MYH4: variants seen among roughly 807,000 people sequenced by gnomAD.
MYH4 encodes the protein myosin heavy chain 4.
In MYH4, 200 loss-of-function variants were observed where a neutral mutation model predicts 229.9. That is an observed-to-expected ratio of 0.87 (90% CI 0.78 to 0.98). MYH4 has a LOEUF of 0.98. Among genes scored for constraint, MYH4 ranks in the 50% least tolerant of loss-of-function variants. The pLI is 0.00. For synonymous variants in MYH4, 761 were observed against 834.6 expected, an observed-to-expected ratio of 0.91 and a Z score of 1.52; for missense variants, 2,148 against 2,332.6, an observed-to-expected ratio of 0.92 and a Z score of 1.63.
Position 10,450,823 on chromosome 17 carries a change from G to A in MYH4, c.3938C>T (p.Thr1313Ile). ...SQLSRGKQAFTQQIEELKRQL... is the reference protein window; with the variant it reads ...SQLSRGKQAFIQQIEELKRQL... ...CCTCTTTAATTCTTCAATCTGTTGT[G>A]TAAATGCTTGTTTGCCTCGGGATAG... The change falls in exon 29 of 40, where the codon ACA (threonine) becomes ATA (isoleucine). Residue 1313 changes from threonine to isoleucine, a missense_variant. Coordinates refer to ENST00000255381, the MANE Select transcript of MYH4 (RefSeq NM_017533.2). 1.2e-6 allele frequency: 2 copies of A among 1,614,094 alleles called. No homozygotes were observed. The highest frequency in any genetic ancestry group is 1.7e-6 in the Non-Finnish European group (2 of 1,180,004).
In MYH4 at chr17:10,454,745, A is replaced by T. The variant is rs1166255126; in HGVS notation, c.2501T>A (p.Met834Lys). The stretch of plus-strand genomic sequence containing the variant: ...GGGCTTGATCTTGAAATACAGCTTC[A>T]TCCAGGGCCAGTGCTTCACATTCAT... ...AFMNVKHWPW[M>K]KLYFKIKPLL... Residue 834 changes from methionine to lysine, a missense_variant, in exon 22 of 40, where the codon ATG becomes AAG. Transcript: ENST00000255381. 1 of 1,614,072 alleles carries T rather than the reference A, an allele frequency of 6.2e-7. No homozygotes were observed. Among genetic ancestry groups the T allele is most frequent in the Admixed American group, 1.7e-5 (1 of 60,002 alleles).
rs1280061096 is a variant in MYH4, at chr17:10,460,294, C to T, written c.1175G>A (p.Ser392Asn). Reference sequence around the variant, plus strand: ...TTTGAGCAGGTCAGCAGAGTTCAGACTTGTCAGATAAGCAGCTTTGTCAGC... The same window carrying T: ...TTTGAGCAGGTCAGCAGAGTTCAGATTTGTCAGATAAGCAGCTTTGTCAGC... ...EVADKAAYLT[S>N]LNSADLLKSL... is the part of the protein sequence containing the mutation. Residue 392 changes from serine to asparagine, a missense_variant, in exon 13 of 40, where the codon AGT becomes AAT. Ser to Asn is a conservative substitution (Grantham distance 46, BLOSUM62 1). Transcript: ENST00000255381. The T allele has an allele frequency of 4.3e-6, 7 of 1,610,102 alleles. No homozygotes were observed. Among genetic ancestry groups the T allele is most frequent in the Non-Finnish European group, 5.1e-6 (6 of 1,176,854 alleles).
In MYH4 at chr17:10,455,198, T is replaced by G; in HGVS notation, c.2272A>C (p.Thr758Pro). 1 of 1,614,196 alleles carries G rather than the reference T, an allele frequency of 6.2e-7. No individual in the cohort carries two copies. Among genetic ancestry groups the G allele is most frequent in the Non-Finnish European group, 8.5e-7 (1 of 1,180,034 alleles). Reference protein sequence around the residue: ...KLLGSIEIDHTQYKFGHTKVF... With the variant: ...KLLGSIEIDHPQYKFGHTKVF... ...TTGGTATGACCGAATTTGTACTGGG[T>G]GTGGTCAATTTCAATAGACCCTAGA... Residue 758 changes from threonine (T) to proline (P), a missense_variant, in exon 20 of 40, where the codon ACC (threonine) becomes CCC (proline). Physicochemically the swap from Thr to Pro is conservative, Grantham distance 38. Coordinates refer to ENST00000255381, the MANE Select transcript of MYH4 (RefSeq NM_017533.2).
chr17:10,444,559 TG>T (rs1252021949), intron 39 of MYH4, 44 bp downstream of exon 39: 1 of 1,507,510 alleles, frequency 6.6e-7, no homozygotes, highest in Non-Finnish European at 9.1e-7. Context: ...CCAAAAAACC[TG>T]GATGTGCATC....
In MYH4 at chr17:10,457,818, T is replaced by C. The variant is rs547649524; in HGVS notation, c.1588-89A>G. 6.1e-6 allele frequency: 9 copies of C among 1,463,876 alleles called. No individual in the cohort carries two copies. In the East Asian group the frequency reaches 1.6e-4, roughly 26 times the overall value. The allele number at this position is 1,463,876 out of a possible 1,614,324, so 90.7% of individuals were successfully genotyped here. A position where few individuals can be genotyped will look rare whatever the true frequency, so the allele number is the denominator to read the frequency against. On this transcript the variant is annotated intron_variant, in intron 15 of 39. Coordinates refer to ENST00000255381, the MANE Select transcript of MYH4 (RefSeq NM_017533.2). The stretch of plus-strand genomic sequence containing the variant: ...GATGGAAAACTGAAAATACAATGTT[T>C]CAAAAGAAGACTTTGAATGATAAAT...
chr17:10,443,280 A>G (rs1323971940), downstream of MYH4: 6 of 1,348,390 alleles, frequency 4.4e-6, no homozygotes, highest in East Asian at 2.3e-5. The surrounding 1 kb of genome is among the most constrained non-coding windows in gnomAD (Gnocchi z 4.6). Flanking sequence ...ATGCAAAATT[A>G]TCTAAAGATT....
rs2072495693 is a variant in MYH4 at position 10,445,028 on chromosome 17, T to G, written c.5414A>C (p.Glu1805Ala). 2 of 1,614,148 alleles carry G rather than the reference T, an allele frequency of 1.2e-6. No individual in the cohort carries two copies. The highest frequency in any genetic ancestry group is 1.7e-6 in the Non-Finnish European group (2 of 1,180,018). Residue 1805 changes from glutamate to alanine, a missense_variant, in exon 37 of 40, where the codon GAG (glutamate) becomes GCG (alanine). Glu to Ala is a moderately radical substitution (Grantham distance 107). Transcript: ENST00000255381. ...CTTCCCACCCTTCAGCGCCAGCTGC[T>G]CAGCCTCATCCAGACGGAGCTGCAG... is the stretch of plus-strand genomic sequence containing the variant. ...KDLQLRLDEA[E>A]QLALKGGKKQ...
Position 10,456,485 on chromosome 17 carries a change from C to T in MYH4, c.1968G>A (p.Arg656=), listed in dbSNP as rs571468610. 6.2e-7 allele frequency: 1 copy of T among 1,611,102 alleles called. No individual in the cohort carries two copies. Among genetic ancestry groups the T allele is most frequent in the Non-Finnish European group, 8.5e-7 (1 of 1,177,878 alleles). The change falls in exon 17 of 40, where the codon AGG becomes AGA. Residue 656 remains arginine, a splice_region_variant and synonymous_variant. Transcript: ENST00000255381. ...SSFQTVSALF[R]ENLNKLMTNL... is the part of the protein sequence containing the mutation. ...TCTGTAATTCAAGAATATACTGTACCCTGAAAAGAGCTGACACTGTCTGGA... is the reference window on the plus strand; with the variant it reads ...TCTGTAATTCAAGAATATACTGTACTCTGAAAAGAGCTGACACTGTCTGGA...
intron 11 of MYH4, among the ~76,000 whole-genome samples, chr17:10,461,933 C>T (rs763609957): frequency 6.6e-6 from 1 of 152,136 alleles, no homozygotes; most frequent in South Asian, 2.1e-4. Context: ...GACATTATTA[C>T]GGAAGTCTTA....
chr17:10,447,461 A>G (rs2072524476), intron 34 of MYH4, among the ~76,000 whole-genome samples: 1 of 152,202 alleles, frequency 6.6e-6, no homozygotes, highest in Non-Finnish European at 1.5e-5. Context: ...AAAATTTTGG[A>G]TCAGGAAAGT....
Position 10,456,513 on chromosome 17 carries a change from G to C in MYH4, c.1940C>G (p.Ser647Cys), listed in dbSNP as rs370411097. The stretch of plus-strand genomic sequence containing the variant: ...GAAAAGAGCTGACACTGTCTGGAAA[G>C]AAGAACCCTTCTTTTTGCCACCTTT... ...GKKGGKKKGS[S>C]FQTVSALFRE... Residue 647 changes from serine (S) to cysteine (C), a missense_variant, in exon 17 of 40, where the codon TCT becomes TGT. Physicochemically the swap from Ser to Cys is moderately radical, Grantham distance 112 (BLOSUM62 -1). Transcript: ENST00000255381. The C allele has an allele frequency of 1.2e-6, 2 of 1,613,908 alleles. No homozygotes were observed. Among genetic ancestry groups the C allele is most frequent in the Non-Finnish European group, 8.5e-7 (1 of 1,179,870 alleles).
intron 34 of MYH4, 22 bp from the exon 35 acceptor site, chr17:10,447,238 C>G (rs1195675733): frequency 6.2e-7 from 1 of 1,608,226 alleles, no homozygotes; most frequent in Admixed American, 1.7e-5. Flanking sequence ...GAGAAAAAGC[C>G]TCTTACTCAT....
In MYH4 at chr17:10,443,465, G is replaced by A. The variant is rs759344092; in HGVS notation, c.5730C>T (p.Ala1910=). 3.1e-5 allele frequency: 50 copies of A among 1,614,002 alleles called. No homozygotes were observed. The highest frequency in any genetic ancestry group is 3.9e-5 in the Non-Finnish European group (46 of 1,179,918). ...ACTCAGCAATGTCAGCCCGTTCCTT[G>A]GCCTCCTCCAGCTCGTGCTGGAGCT... ...FRKLQHELEE[A]KERADIAESQ... Residue 1910 remains alanine, a synonymous_variant, in exon 40 of 40, where the codon GCC becomes GCT. Transcript: ENST00000255381. This position sits in a 1 kb window ranked among gnomAD's most constrained non-coding sequence, Gnocchi z 4.6.
chr17:10,456,356 T>C (rs962496834), intron 17 of MYH4, 129 bp downstream of exon 17: 2 of 720,632 alleles, frequency 2.8e-6, no homozygotes, highest in Non-Finnish European at 4.4e-6. Context: ...AAACCTTTAG[T>C]AGTATACTAA....
chr17:10,460,024 C>G lies in MYH4; in HGVS notation c.1344G>C (p.Gln448His). 6.2e-7 allele frequency: 1 copy of G among 1,614,128 alleles called. No homozygotes were observed. The highest frequency in any genetic ancestry group is 8.5e-7 in the Non-Finnish European group (1 of 1,179,992). The change falls in exon 14 of 40, where the codon CAG (glutamine) becomes CAC (histidine). Residue 448 changes from glutamine to histidine, a missense_variant. Physicochemically the swap from Gln to His is conservative, Grantham distance 24 (BLOSUM62 0). Transcript: ENST00000255381. ...GCCTGGGCTGCTTGGTGTCCAGCTG[C>G]TGGTTGATGCGGGTGACCATCCACA... ...MFLWMVTRIN[Q>H]QLDTKQPRQY...
chr17:10,449,189 T>C, intron 30 of MYH4, 142 bp from the exon 31 acceptor site: 1 of 712,802 alleles, frequency 1.4e-6, no homozygotes, highest in South Asian at 2.0e-5. Context: ...TTCACTCTCT[T>C]AGAATTCTGT....
Position 10,452,488 on chromosome 17 carries a change from G to A in MYH4, c.3276C>T (p.Ser1092=). ...EKLKKKEFEM[S]NLQGKIEDEQ... ...CATCTTCAATCTTGCCTTGCAGATT[G>A]CTCATTTCAAACTCTTTCCTATTAG... Residue 1092 remains serine, a synonymous_variant, in exon 26 of 40, where the codon AGC becomes AGT. Coordinates refer to ENST00000255381, the MANE Select transcript of MYH4 (RefSeq NM_017533.2). The A allele has an allele frequency of 6.2e-7, 1 of 1,613,926 alleles. No homozygotes were observed. Among genetic ancestry groups the A allele is most frequent in the South Asian group, 1.1e-5 (1 of 91,066 alleles).
intron 5 of MYH4, 130 bp downstream of exon 5, chr17:10,465,312 C>T: frequency 4.0e-6 from 5 of 1,249,130 alleles, no homozygotes; most frequent in South Asian, 3.3e-5. Context: ...AATATATTTC[C>T]CTAATTTTAT....
rs368290635 is a variant in MYH4 at position 10,450,814 on chromosome 17, A to G, written c.3947T>C (p.Ile1316Thr). ...SRGKQAFTQQ[I>T]EELKRQLEEE... ...TTCTAGCTGCCTCTTTAATTCTTCA[A>G]TCTGTTGTGTAAATGCTTGTTTGCC... The change falls in exon 29 of 40, where the codon ATT (isoleucine) becomes ACT (threonine). Residue 1316 changes from isoleucine (I) to threonine (T), a missense_variant. Physicochemically the swap from Ile to Thr is moderately conservative, Grantham distance 89. Transcript: ENST00000255381. The G allele has an allele frequency of 4.4e-5, 71 of 1,614,046 alleles. No homozygotes were observed. In the South Asian group the frequency reaches 6.3e-4, roughly 14 times the overall value.
Sources: gnomAD v4.1 joint callset for allele counts (sites outside exome capture counted in the v4.1 genomes callset) on GRCh38, gnomAD v4.1.1 for gene constraint, Gnocchi (gnomAD v3.1) non-coding constraint, MANE v1.5 for transcripts, NCBI Gene and HGNC (gene_info 2026-07-23, HGNC 2026-07-21) for gene names.